Variants in ACOT12 observed in about 807,000 individuals in gnomAD.
ACOT12 encodes the protein acyl-CoA thioesterase 12.
ACOT12 carries 51 observed loss-of-function variants against 67.7 expected under a neutral mutation model. That is an observed-to-expected ratio of 0.75 (90% CI 0.60 to 0.95). The LOEUF is 0.95. ACOT12 is among the 40% of genes least tolerant of loss of function. ACOT12 has a pLI of 0.00. For synonymous variants in ACOT12, 251 were observed against 244.6 expected, an observed-to-expected ratio of 1.03 and a Z score of -0.24; for missense variants, 734 against 708.1, an observed-to-expected ratio of 1.04 and a Z score of -0.41.
intron 1 of ACOT12, among the ~76,000 whole-genome samples, chr5:81,387,090 C>T (rs1486754085): frequency 6.7e-6 from 1 of 149,828 alleles, no homozygotes; most frequent in African/African-American, 2.5e-5. Flanking sequence ...ATTTCAACCT[C>T]CACCTCCTGG....
the ACOT12 span, among the ~76,000 whole-genome samples, chr5:81,323,909 C>CGTATATATACGT: frequency 2.3e-4 from 33 of 146,456 alleles, no homozygotes; most frequent in African/African-American, 3.3e-4. Context: ...TATATATACA[C>CGTATATATACGT]GTATATATAC....
At chr5:81,311,294 C>T in the ACOT12 span, 1 of 1,613,248 alleles carries the variant, frequency 6.2e-7, no homozygotes, top group Non-Finnish European at 8.5e-7. Flanking sequence ...GATCTCTGGG[C>T]CTCTACTTAG....
chr5:81,388,223 G>A (rs1044439377), intron 1 of ACOT12, among the ~76,000 whole-genome samples: 2 of 152,130 alleles, frequency 1.3e-5, no homozygotes, highest in Non-Finnish European at 2.9e-5. Context: ...AGAGAAGGAC[G>A]TGGCTAAATA....
intron 5 of ACOT12, 101 bp downstream of exon 5, chr5:81,359,802 C>G: frequency 7.7e-7 from 1 of 1,306,260 alleles, no homozygotes; most frequent in African/African-American, 1.5e-5. Flanking sequence ...GTCACCAGGA[C>G]TGAATGGTAA....
chr5:81,339,073 T>A (rs1759105355), intron 11 of ACOT12, among the ~76,000 whole-genome samples: 2 of 152,194 alleles, frequency 1.3e-5, no homozygotes, highest in African/African-American at 4.8e-5. Flanking sequence ...AGTGAGACTC[T>A]ATCTCAAAAA....
downstream of ACOT12, among the ~76,000 whole-genome samples, chr5:81,327,839 G>C (rs1049677613): frequency 2.6e-5 from 4 of 152,086 alleles, no homozygotes; most frequent in Non-Finnish European, 5.9e-5. Flanking sequence ...TGTCCCTTAA[G>C]GATACTTTGA....
intron 3 of ACOT12, among the ~76,000 whole-genome samples, chr5:81,364,641 A>T (rs1760020508): frequency 6.6e-6 from 1 of 152,060 alleles, no homozygotes; most frequent in African/African-American, 2.4e-5. Flanking sequence ...GTTGGCCAGG[A>T]TGGTCTCGAT....
At chr5:81,360,740 G>A (rs956214435) in intron 4 of ACOT12, among the ~76,000 whole-genome samples, 12 of 152,076 alleles carry the variant, frequency 7.9e-5, no homozygotes, top group Admixed American at 7.2e-4. Context: ...AGTCTGGTAC[G>A]GACCCTTGGC....
intron 5 of ACOT12, among the ~76,000 whole-genome samples, chr5:81,349,576 A>T (rs1580548628): frequency 6.6e-6 from 1 of 151,750 alleles, no homozygotes. Context: ...GCCTTCTCTG[A>T]CCTCCACAGC....
chr5:81,380,317 A>C (rs1170655910), intron 2 of ACOT12, among the ~76,000 whole-genome samples: 2 of 152,146 alleles, frequency 1.3e-5, no homozygotes, highest in Non-Finnish European at 2.9e-5. Flanking sequence ...TAATCCCAGC[A>C]CTTTGGGAGG....
At chr5:81,377,334 G>A (rs750594122) in intron 2 of ACOT12, among the ~76,000 whole-genome samples, 2 of 152,084 alleles carry the variant, frequency 1.3e-5, no homozygotes, top group African/African-American at 2.4e-5. Context: ...TTGATGGAAC[G>A]TATCTCAAAA....
downstream of ACOT12, among the ~76,000 whole-genome samples, chr5:81,326,033 C>T (rs1758664601): frequency 6.6e-6 from 1 of 151,310 alleles, no homozygotes; most frequent in Non-Finnish European, 1.5e-5. Flanking sequence ...TGGTCTCAAA[C>T]TGGGCTCAAG....
At chr5:81,365,293 C>T (rs1011095754) in intron 3 of ACOT12, among the ~76,000 whole-genome samples, 10 of 152,238 alleles carry the variant, frequency 6.6e-5, no homozygotes, top group Admixed American at 2.0e-4. Context: ...AAAGAATAAT[C>T]AATAATCTAT....
chr5:81,308,761 A>G, the ACOT12 span: 21 of 1,571,416 alleles, frequency 1.3e-5, no homozygotes, highest in Admixed American at 3.9e-4. Context: ...AAGCCAATAA[A>G]TAGCACCTTG....
At chr5:81,383,993 A>C (rs1246966515) in intron 2 of ACOT12, among the ~76,000 whole-genome samples, 5 of 152,050 alleles carry the variant, frequency 3.3e-5, no homozygotes, top group African/African-American at 1.2e-4. Context: ...ATAAATTCTA[A>C]GGTAGTGTAC....
At chr5:81,337,875 C>T (rs996059635) in intron 11 of ACOT12, among the ~76,000 whole-genome samples, 2 of 152,206 alleles carry the variant, frequency 1.3e-5, no homozygotes, top group Non-Finnish European at 1.5e-5. Flanking sequence ...CAGTCACATG[C>T]TTCTGCTTCC....
At chr5:81,338,419 G>T (rs1759076725) in intron 11 of ACOT12, among the ~76,000 whole-genome samples, 1 of 152,108 alleles carries the variant, frequency 6.6e-6, no homozygotes, top group Non-Finnish European at 1.5e-5. Context: ...GTTTGAAAGT[G>T]TGTGGCACCT....
Position 81,370,927 on chromosome 5 carries a change from G to A in ACOT12, c.258+823C>T, listed in dbSNP as rs141842359. ...TTTAACCTGAATGGAGATCTCAAGA[G>A]CCCCTGAGAATCCAGTATTCACAAT... On this transcript the variant is annotated intron_variant, in intron 3 of 14. Transcript: ENST00000307624. Among the ~76,000 whole-genome samples, 170 of 152,272 alleles carry A rather than the reference G, an allele frequency of 1.1e-3. 1 individual carries two copies. Among genetic ancestry groups the A allele is most frequent in the African/African-American group, 3.8e-3 (158 of 41,552 alleles).
intron 4 of ACOT12, among the ~76,000 whole-genome samples, chr5:81,363,233 C>T (rs541373960): frequency 3.3e-5 from 5 of 152,158 alleles, no homozygotes; most frequent in African/African-American, 4.8e-5. Flanking sequence ...GGATCTGGAT[C>T]GTGTCCAGGC....
Sources: allele counts gnomAD v4.1 joint callset (sites outside exome capture counted in the v4.1 genomes callset), GRCh38; gene constraint gnomAD v4.1.1; transcripts MANE v1.5; gene names NCBI Gene and HGNC (gene_info 2026-07-23, HGNC 2026-07-21).